The following MAPK10 variants were observed in gnomAD, a reference collection of about 807,000 sequenced individuals.
MAPK10 encodes mitogen-activated protein kinase 10.
A neutral mutation model predicts 59.3 loss-of-function variants in MAPK10; 25 were observed. The observed-to-expected ratio is 0.42, with a 90% confidence interval of 0.31 to 0.59. The LOEUF (loss-of-function observed/expected upper bound fraction) is 0.59. Among genes scored for constraint, MAPK10 ranks in the 20% least tolerant of loss-of-function variants. The pLI is 0.15. For missense variants in MAPK10, 351 were observed against 568.9 expected (o/e 0.62, Z 3.90); for synonymous variants, 190 against 200.5 (o/e 0.95, Z 0.44).
intron 2 of MAPK10, among the ~76,000 whole-genome samples, chr4:86,200,557 T>G (rs1257486499): frequency 6.6e-6 from 1 of 151,984 alleles, no homozygotes; most frequent in Non-Finnish European, 1.5e-5. Flanking sequence ...TGCATTTGGA[T>G]AGTTGAGATG....
intron 2 of MAPK10, among the ~76,000 whole-genome samples, chr4:86,341,899 T>C (rs1190888871): frequency 4.0e-5 from 6 of 151,890 alleles, no homozygotes; most frequent in Admixed American, 3.9e-4. Context: ...AATAACCTTA[T>C]GGGAAAGCAC....
In MAPK10 at chr4:86,308,118, G is replaced by GT. The variant is rs146467990; in HGVS notation, c.-7+46411dup. Among the ~76,000 whole-genome samples, 1,041 of 152,146 alleles carry GT rather than the reference G, an allele frequency of 6.8e-3. 15 individuals are homozygous for GT. Among genetic ancestry groups the GT allele is most frequent in the African/African-American group, 0.024 (982 of 41,534 alleles). ...TGATATCATTCGTACTAAAAGGGAA[G>GT]TACAAAAAAAGAGAATTGATTTGGG... On this transcript the variant is annotated intron_variant, in intron 2 of 13. Coordinates refer to ENST00000641462, the MANE Select transcript of MAPK10 (RefSeq NM_138982.4).
At chr4:86,296,357 C>T (rs1047783029) in intron 2 of MAPK10, among the ~76,000 whole-genome samples, 2 of 152,066 alleles carry the variant, frequency 1.3e-5, no homozygotes, top group Non-Finnish European at 2.9e-5. Context: ...AGAACAGAAG[C>T]TCCCTTCTGA....
chr4:86,235,845 G>T (rs111503423), intron 2 of MAPK10, among the ~76,000 whole-genome samples: 1 of 152,266 alleles, frequency 6.6e-6, no homozygotes, highest in African/African-American at 2.4e-5. Context: ...ATTAGTTGTG[G>T]ATTGCTCCTA....
chr4:86,155,849 T>C (rs570799567), intron 4 of MAPK10, among the ~76,000 whole-genome samples: 3 of 152,136 alleles, frequency 2.0e-5, no homozygotes, highest in African/African-American at 4.8e-5. Context: ...TTGGAGCCGT[T>C]ATTAATTAAA....
intron 2 of MAPK10, among the ~76,000 whole-genome samples, chr4:86,251,200 A>G (rs12507860): frequency 0.33 from 49,656 of 151,304 alleles, 11,063 homozygotes; most frequent in African/African-American, 0.64. Context: ...TATACTTTAA[A>G]TTTTAGGGTA....
At chr4:86,118,760 C>T (rs867055252) in intron 4 of MAPK10, among the ~76,000 whole-genome samples, 9 of 152,156 alleles carry the variant, frequency 5.9e-5, no homozygotes, top group Non-Finnish European at 1.2e-4. Flanking sequence ...TTTCCCTTTA[C>T]ATTTAAAATG....
intron 1 of MAPK10, among the ~76,000 whole-genome samples, chr4:86,386,999 GA>G (rs964413735): frequency 3.9e-5 from 6 of 151,904 alleles, no homozygotes; most frequent in Non-Finnish European, 7.4e-5. Context: ...TGTACAGAAA[GA>G]AAAAAATCTG....
At chr4:86,581,481 TAA>T (rs1762258005) in intron 1 of MAPK10, among the ~76,000 whole-genome samples, 1 of 152,054 alleles carries the variant, frequency 6.6e-6, no homozygotes, top group Admixed American at 6.6e-5. Flanking sequence ...GTAATAAAAT[TAA>T]GTCGAGATTC....
chr4:86,310,624 G>A (rs907696366), intron 2 of MAPK10, among the ~76,000 whole-genome samples: 1 of 151,988 alleles, frequency 6.6e-6, no homozygotes, highest in African/African-American at 2.4e-5. Flanking sequence ...ACATGTCAAG[G>A]GAAAAGTTGA....
At chr4:86,099,489 G>T (rs561020657) in intron 8 of MAPK10, 1 of 152,252 alleles carries the variant, frequency 6.6e-6, no homozygotes, top group Non-Finnish European at 1.5e-5. Context: ...GAAGGAAGGC[G>T]GGGCTAGGTG....
intron 1 of MAPK10, among the ~76,000 whole-genome samples, chr4:86,581,899 T>TTATATA (rs67303972): frequency 2.1e-4 from 19 of 91,582 alleles, no homozygotes; most frequent in African/African-American, 3.8e-4. Flanking sequence ...GCTATATATA[T>TTATATA]TATATATATA....
rs144495759 is a variant in MAPK10 at position 86,480,659 on chromosome 4, C to G, written c.-263+113251G>C. Among the ~76,000 whole-genome samples the G allele has an allele frequency of 3.4e-3, 517 of 152,140 alleles. 3 individuals are homozygous for G. Among genetic ancestry groups the G allele is most frequent in the Middle Eastern group, 0.017 (5 of 294 alleles). On this transcript the variant is annotated intron_variant, in intron 1 of 4. Coordinates refer to the MAPK10 transcript ENST00000502302. Reference sequence around the variant, plus strand: ...GACTTTAACATTCAATTTCCATAACCCCTGCTGGAGTTCAATTTATTAGAG... The same window carrying G: ...GACTTTAACATTCAATTTCCATAACGCCTGCTGGAGTTCAATTTATTAGAG...
intron 2 of MAPK10, among the ~76,000 whole-genome samples, chr4:86,321,450 T>C (rs941310385): frequency 1.3e-5 from 2 of 151,350 alleles, no homozygotes; most frequent in African/African-American, 4.9e-5. Context: ...ATGGATGAAA[T>C]TGGAAATCAT....
chr4:86,582,141 A>C (rs1167096462), intron 1 of MAPK10, among the ~76,000 whole-genome samples: 2 of 151,616 alleles, frequency 1.3e-5, no homozygotes, highest in African/African-American at 4.8e-5. Context: ...GTAATCTGTA[A>C]AAGTGAAAGT....
intron 3 of MAPK10, among the ~76,000 whole-genome samples, chr4:86,170,549 T>A (rs1252085492): frequency 4.6e-5 from 7 of 151,888 alleles, no homozygotes; most frequent in Non-Finnish European, 1.0e-4. Context: ...ATGCACCCAA[T>A]ACAGGAGCAC....
At chr4:86,076,092 C>T (rs1180900402) in intron 9 of MAPK10, among the ~76,000 whole-genome samples, 4 of 152,132 alleles carry the variant, frequency 2.6e-5, no homozygotes, top group African/African-American at 9.7e-5. Context: ...GATATAGTCT[C>T]GTGGTGCGCT....
chr4:86,225,379 C>G (rs997985607), intron 2 of MAPK10, among the ~76,000 whole-genome samples: 3 of 152,134 alleles, frequency 2.0e-5, no homozygotes, highest in African/African-American at 4.8e-5. Context: ...TTTCAGTGAG[C>G]CTTCCTGGTA....
At chr4:86,317,219 C>T (rs77945788) in intron 2 of MAPK10, among the ~76,000 whole-genome samples, 2,244 of 152,162 alleles carry the variant, frequency 0.015, 23 homozygotes, top group African/African-American at 0.016. Flanking sequence ...TGGGCTATTA[C>T]GCTTTTCCTT....
Sources: allele counts gnomAD v4.1 joint callset (sites outside exome capture counted in the v4.1 genomes callset), GRCh38; gene constraint gnomAD v4.1.1; transcripts MANE v1.5; gene names NCBI Gene and HGNC (gene_info 2026-07-23, HGNC 2026-07-21).